The following FHL2 variants were observed in gnomAD, a reference collection of about 807,000 sequenced individuals.
FHL2 encodes the protein four and a half LIM domains protein 2.
FHL2 carries 20 observed loss-of-function variants against 32.7 expected under a neutral mutation model. The observed-to-expected ratio is 0.61, with a 90% confidence interval of 0.43 to 0.89. The LOEUF (loss-of-function observed/expected upper bound fraction) is 0.89. FHL2 is among the 40% of genes least tolerant of loss of function. The pLI, the probability that FHL2 is intolerant of heterozygous loss-of-function variation, is 0.00. For synonymous variants in FHL2, 123 were observed against 128.1 expected, an observed-to-expected ratio of 0.96 and a Z score of 0.27; for missense variants, 311 against 358.6, an observed-to-expected ratio of 0.87 and a Z score of 1.07.
At chr2:105,383,463 C>T (rs1482044633) in intron 3 of FHL2, among the ~76,000 whole-genome samples, 1 of 152,196 alleles carries the variant, frequency 6.6e-6, no homozygotes, top group East Asian at 1.9e-4. Context: ...TCAGTGGCTA[C>T]ATAGAGAGGA....
chr2:105,411,105 G>A (rs527615730), intron 1 of FHL2, among the ~76,000 whole-genome samples: 6 of 152,260 alleles, frequency 3.9e-5, no homozygotes, highest in South Asian at 2.1e-4. Flanking sequence ...AAGTACCAGC[G>A]AGCCTCTGTG....
chr2:105,407,105 C>A (rs1223050132), intron 1 of FHL2, among the ~76,000 whole-genome samples: 2 of 152,164 alleles, frequency 1.3e-5, no homozygotes, highest in South Asian at 2.1e-4. Flanking sequence ...TTGAAAATGC[C>A]TAAGCTGCTG....
intron 1 of FHL2, among the ~76,000 whole-genome samples, chr2:105,420,508 C>G (rs1684069533): frequency 6.6e-6 from 1 of 152,132 alleles, no homozygotes; most frequent in Admixed American, 6.6e-5. Flanking sequence ...GGGAGAGACA[C>G]TCAACCCATA....
intron 1 of FHL2, among the ~76,000 whole-genome samples, chr2:105,415,385 T>C (rs1011002619): frequency 2.0e-5 from 3 of 152,206 alleles, no homozygotes; most frequent in Admixed American, 1.3e-4. Context: ...AGGAAGAGAA[T>C]GGAGGGAGGG....
chr2:105,365,961 T>G (rs1680601894), intron 5 of FHL2, among the ~76,000 whole-genome samples: 1 of 151,798 alleles, frequency 6.6e-6, no homozygotes, highest in African/African-American at 2.4e-5. Flanking sequence ...TCCCAGCACT[T>G]TGGGAGGTGG....
At chr2:105,433,213 C>G (rs1431030342) in intron 1 of FHL2, among the ~76,000 whole-genome samples, 1 of 146,890 alleles carries the variant, frequency 6.8e-6, no homozygotes, top group Non-Finnish European at 1.5e-5. Flanking sequence ...AGGAGTCTCT[C>G]TCTGTCACCC....
At chr2:105,417,684 C>CAAA (rs11353319) in intron 1 of FHL2, among the ~76,000 whole-genome samples, 33 of 89,230 alleles carry the variant, frequency 3.7e-4, no homozygotes, top group African/African-American at 6.2e-4. Context: ...ACTCCATCTC[C>CAAA]AAAAAAAAAA....
At chr2:105,386,597 C>A in intron 2 of FHL2, 57 bp from the exon 3 acceptor site, 1 of 1,485,790 alleles carries the variant, frequency 6.7e-7, no homozygotes. Context: ...AAGGGGTGCA[C>A]GCAAAGGCAT....
chr2:105,386,409 G>C lies in FHL2; in HGVS notation c.108C>G (p.Phe36Leu), dbSNP rs201189319. The C allele has an allele frequency of 3.7e-6, 6 of 1,614,192 alleles. No homozygotes were observed. The African/African-American group carries it at 8.0e-5, about 22-fold the overall frequency. The change falls in exon 3 of 7, where the codon TTC becomes TTG. Residue 36 changes from phenylalanine to leucine, a missense_variant. Transcript: ENST00000530340. ...TCCCACACTCCTCGCAGGTGTTGGC[G>C]AACAGGGTCTCAAAGCACACCACGC... ...PYCVVCFETL[F>L]ANTCEECGKP...
rs147765638 is a variant in FHL2, at chr2:105,418,019, G to A, written c.-25+20380C>T. Among the ~76,000 whole-genome samples the A allele has an allele frequency of 2.9e-3, 441 of 152,248 alleles. 4 individuals are homozygous for A. The highest frequency in any genetic ancestry group is 9.1e-3 in the African/African-American group (378 of 41,538). ...TTAACCACAAAAACTCCTTGAAAAG[G>A]ACTCAGGGGTATAGGGACCACACAT... On this transcript the variant is annotated intron_variant, in intron 1 of 5. Transcript: ENST00000393352.
chr2:105,431,865 C>T (rs1684444115), intron 1 of FHL2, among the ~76,000 whole-genome samples: 1 of 152,182 alleles, frequency 6.6e-6, no homozygotes, highest in Non-Finnish European at 1.5e-5. Context: ...GAGTGAAGCA[C>T]AGCAGACAAA....
At chr2:105,373,994 T>TA in intron 3 of FHL2, 4 of 503,790 alleles carry the variant, frequency 7.9e-6, no homozygotes, top group Non-Finnish European at 1.4e-5. Flanking sequence ...GAGATGCTTC[T>TA]AAAAAACAAA....
At chr2:105,435,301 T>G (rs1684576324) in intron 1 of FHL2, among the ~76,000 whole-genome samples, 1 of 152,232 alleles carries the variant, frequency 6.6e-6, no homozygotes, top group Non-Finnish European at 1.5e-5. Flanking sequence ...ATGTAATGTT[T>G]TCATATAACC....
intron 1 of FHL2, among the ~76,000 whole-genome samples, chr2:105,409,800 G>A (rs1683741029): frequency 6.6e-6 from 1 of 152,222 alleles, no homozygotes; most frequent in South Asian, 2.1e-4. Context: ...AATCAGACTG[G>A]AAAAACACGT....
chr2:105,413,066 G>A (rs143025729), intron 1 of FHL2, among the ~76,000 whole-genome samples: 1 of 152,302 alleles, frequency 6.6e-6, no homozygotes, highest in Non-Finnish European at 1.5e-5. Flanking sequence ...ATGCAAATGA[G>A]GACAGCGTGT....
chr2:105,436,367 T>C (rs1202003679), intron 1 of FHL2, among the ~76,000 whole-genome samples: 1 of 152,180 alleles, frequency 6.6e-6, no homozygotes, highest in African/African-American at 2.4e-5. Flanking sequence ...TAAAATGTCT[T>C]ATCTAAATCT....
At chr2:105,378,245 G>C in intron 3 of FHL2, 1 of 464,398 alleles carries the variant, frequency 2.2e-6, no homozygotes, top group Non-Finnish European at 4.5e-6. Context: ...CTGATTCATT[G>C]ACACGTGACA....
intron 1 of FHL2, among the ~76,000 whole-genome samples, chr2:105,413,489 A>G (rs962456505): frequency 9.9e-5 from 15 of 152,214 alleles, no homozygotes; most frequent in African/African-American, 3.4e-4. Context: ...AACAGTTTAC[A>G]AAAATTTTTT....
intron 6 of FHL2, 103 bp downstream of exon 6, chr2:105,363,182 A>G: frequency 1.9e-6 from 2 of 1,065,050 alleles, no homozygotes; most frequent in Non-Finnish European, 2.8e-6. Context: ...AGCCTTAGGG[A>G]GGTCTGGGGA....
Sources: gnomAD v4.1 joint callset for allele counts (sites outside exome capture counted in the v4.1 genomes callset) on GRCh38, gnomAD v4.1.1 for gene constraint, MANE v1.5 for transcripts, NCBI Gene and HGNC (gene_info 2026-07-23, HGNC 2026-07-21) for gene names.